Variants in ZFPM1 observed in about 807,000 individuals in gnomAD.
The protein encoded by ZFPM1 is zinc finger protein ZFPM1.
In ZFPM1, 28 loss-of-function variants were observed where a neutral mutation model predicts 46.3. The observed-to-expected ratio is 0.60, with a 90% CI of 0.45 to 0.83. The LOEUF is 0.83. Among genes scored for constraint, ZFPM1 ranks in the 40% least tolerant of loss-of-function variants. The probability of loss-of-function intolerance (pLI) is 0.00; values close to 1 mark genes in which losing one functional copy is unlikely to be tolerated. For missense variants in ZFPM1, 1,878 were observed against 1,432.4 expected, an observed-to-expected ratio of 1.31 and a Z score of -5.02; for synonymous variants, 957 against 675.9, an observed-to-expected ratio of 1.42 and a Z score of -6.45.
Position 88,455,822 on chromosome 16 carries a change from G to T in ZFPM1, c.40+2144G>T, listed in dbSNP as rs927614744. On this transcript the variant is annotated intron_variant, in intron 1 of 9. Transcript: ENST00000319555. ...GCGGGAGCGCGGCCTTGGCCGGCCAGATGGCGGAGGCGATAGGCCGGGCTG... is the reference window on the plus strand; with the variant it reads ...GCGGGAGCGCGGCCTTGGCCGGCCATATGGCGGAGGCGATAGGCCGGGCTG... Among the ~76,000 whole-genome samples the T allele has an allele frequency of 3.3e-5, 5 of 152,156 alleles. No homozygotes were observed. In the South Asian group the frequency reaches 8.3e-4, roughly 25 times the overall value.
At position 88,482,409 on chromosome 16, in the gene ZFPM1, A is replaced by G. The variant is rs114101841; in HGVS notation, c.41-3530A>G. 5.3e-3 allele frequency among the ~76,000 whole-genome samples: 800 copies of G among 152,248 alleles called. 5 individuals are homozygous for G. The highest frequency in any genetic ancestry group is 0.018 in the African/African-American group (757 of 41,532). On this transcript the variant is annotated intron_variant, in intron 1 of 9. Coordinates refer to ENST00000319555, the MANE Select transcript of ZFPM1 (RefSeq NM_153813.3). ...TGGGCTGACAGTTGTCTCCTGCATT[A>G]TCAGAGCCGTTTTAATTGTGCTGGA...
chr16:88,460,351 G>A (rs972305709), intron 1 of ZFPM1, among the ~76,000 whole-genome samples: 15 of 152,180 alleles, frequency 9.9e-5, no homozygotes, highest in African/African-American at 3.6e-4. Context: ...TTCACAGGAA[G>A]GCACACTGGC....
intron 1 of ZFPM1, among the ~76,000 whole-genome samples, chr16:88,467,636 G>A (rs1420984784): frequency 6.6e-6 from 1 of 152,168 alleles, no homozygotes; most frequent in East Asian, 1.9e-4. Context: ...GGGCCTCGCA[G>A]CTGCCTTGGA....
chr16:88,519,935 GTGGA>G (rs368348204), intron 4 of ZFPM1, among the ~76,000 whole-genome samples: 1 of 149,542 alleles, frequency 6.7e-6, no homozygotes, highest in African/African-American at 2.5e-5. Flanking sequence ...AGATGGATGA[GTGGA>G]TGGATGGATG....
intron 3 of ZFPM1, among the ~76,000 whole-genome samples, chr16:88,506,287 G>A (rs1351581518): frequency 6.7e-6 from 1 of 149,118 alleles, no homozygotes; most frequent in Non-Finnish European, 1.5e-5. Flanking sequence ...CAGGGCAGGG[G>A]TGGGGGGGCA....
At position 88,485,992 on chromosome 16, in the gene ZFPM1, C is replaced by T. The variant is rs1171978327; in HGVS notation, c.94C>T (p.His32Tyr). The change falls in exon 2 of 10, where the codon CAC (histidine) becomes TAC (tyrosine). Residue 32 changes from histidine (H) to tyrosine (Y), a missense_variant. By Grantham distance (83) the His-to-Tyr change is moderately conservative. Transcript: ENST00000319555. ...REEVQLVGAS[H>Y]MEQKATAPEA... Reference sequence around the variant, plus strand: ...GGAGGTGCAGTTGGTGGGTGCCAGCCACATGGAGCAAAAGGCCACGGCACC... The same window carrying T: ...GGAGGTGCAGTTGGTGGGTGCCAGCTACATGGAGCAAAAGGCCACGGCACC... 1 of 1,612,930 alleles carries T rather than the reference C, an allele frequency of 6.2e-7. No homozygotes were observed. Among genetic ancestry groups the T allele is most frequent in the Non-Finnish European group, 8.5e-7 (1 of 1,179,948 alleles).
chr16:88,528,976 G>A (rs1912565095), intron 6 of ZFPM1, among the ~76,000 whole-genome samples: 1 of 152,172 alleles, frequency 6.6e-6, no homozygotes, highest in Admixed American at 6.5e-5. Flanking sequence ...GGTGGCTGCG[G>A]GAATCATGAG....
At chr16:88,478,093 T>C (rs1240521739) in intron 1 of ZFPM1, among the ~76,000 whole-genome samples, 4 of 151,766 alleles carry the variant, frequency 2.6e-5, no homozygotes, top group Non-Finnish European at 5.9e-5. Context: ...TCAACCGCCA[T>C]GTCTCCCCTG....
At chr16:88,489,223 G>A (rs1909418082) in intron 3 of ZFPM1, 70 bp downstream of exon 3, 4 of 1,513,132 alleles carry the variant, frequency 2.6e-6, no homozygotes, top group Non-Finnish European at 8.8e-7. Context: ...TGGGAGCAGG[G>A]CGACGTGGGT....
At chr16:88,501,130 CG>C (rs752149490) in intron 3 of ZFPM1, among the ~76,000 whole-genome samples, 2,151 of 123,000 alleles carry the variant, frequency 0.017, 20 homozygotes, top group African/African-American at 0.042. Context: ...GACATGGATG[CG>C]GGGGCCATCC....
chr16:88,488,571 C>T (rs1035942665), intron 2 of ZFPM1, among the ~76,000 whole-genome samples: 5 of 150,802 alleles, frequency 3.3e-5, no homozygotes, highest in African/African-American at 4.9e-5. Context: ...AGACACGTGA[C>T]GTCATGGGGT....
In ZFPM1 at chr16:88,471,294, C is replaced by T. The variant is rs996208049; in HGVS notation, c.41-14645C>T. ...TGACCTCCACCCTCGCGAAGGCCAG[C>T]GGCCGCAGGGTCTGGCTTGGGCTAT... On this transcript the variant is annotated intron_variant, in intron 1 of 9. Coordinates refer to ENST00000319555, the MANE Select transcript of ZFPM1 (RefSeq NM_153813.3). This position sits in a 1 kb window ranked among gnomAD's most constrained non-coding sequence, Gnocchi z 4.1. 3.3e-5 allele frequency among the ~76,000 whole-genome samples: 5 copies of T among 152,266 alleles called. No homozygotes were observed. The highest frequency in any genetic ancestry group is 9.6e-5 in the African/African-American group (4 of 41,472).
At chr16:88,524,910 G>A (rs1368464210) in intron 4 of ZFPM1, among the ~76,000 whole-genome samples, 4 of 152,168 alleles carry the variant, frequency 2.6e-5, no homozygotes, top group Non-Finnish European at 5.9e-5. Flanking sequence ...TTCACACTGG[G>A]ACTGCAGGGT....
intron 3 of ZFPM1, among the ~76,000 whole-genome samples, chr16:88,492,696 G>A (rs1002924560): frequency 6.6e-5 from 10 of 152,202 alleles, no homozygotes; most frequent in South Asian, 2.1e-4. Flanking sequence ...GTGTTAGCCC[G>A]GCGGAGAGGC....
At chr16:88,482,820 G>C (rs921006731) in intron 1 of ZFPM1, among the ~76,000 whole-genome samples, 1 of 152,198 alleles carries the variant, frequency 6.6e-6, no homozygotes, top group Admixed American at 6.5e-5. Context: ...CTCTAGAAGG[G>C]GGAGGAGCCG....
At chr16:88,493,160 A>AGAGCTGTCCCGGGGTGG (rs1909696678) in intron 3 of ZFPM1, among the ~76,000 whole-genome samples, 1 of 27,456 alleles carries the variant, frequency 3.6e-5, no homozygotes, top group Admixed American at 4.1e-4. Context: ...TCCCGGGGTG[A>AGAGCTGTCCCGGGGTGG]GGAGAGCTGT....
Position 88,534,394 on chromosome 16 carries a change from G to T in ZFPM1, c.2436G>T (p.Ala812=), listed in dbSNP as rs756002454. 1 of 1,472,858 alleles carries T rather than the reference G, an allele frequency of 6.8e-7. No individual in the cohort carries two copies. The highest frequency in any genetic ancestry group is 1.3e-5 in the South Asian group (1 of 79,598). The allele number at this position is 1,472,858 out of a possible 1,614,324, so 91.2% of individuals were successfully genotyped here. A position where few individuals can be genotyped will look rare whatever the true frequency, so the allele number is the denominator to read the frequency against. ...CGCTCCCCGGAGCCCCGGCACCGGCGCTGGCCGACTACCACGAGTGCACGG... is the reference window on the plus strand; with the variant it reads ...CGCTCCCCGGAGCCCCGGCACCGGCTCTGGCCGACTACCACGAGTGCACGG... ...RRPLPGAPAP[A]LADYHECTAC... The change falls in exon 10 of 10, where the codon GCG becomes GCT. Residue 812 remains alanine, a synonymous_variant. Transcript: ENST00000319555.
At chr16:88,461,208 C>CGGGAGACCTGGTGAGGACCG (rs1907861806) in intron 1 of ZFPM1, among the ~76,000 whole-genome samples, 1 of 22,640 alleles carries the variant, frequency 4.4e-5, no homozygotes, top group African/African-American at 2.2e-4. Flanking sequence ...GGTGAGGACC[C>CGGGAGACCTGGTGAGGACCG]AGGGGCGGGA....
rs945814493 is a variant in ZFPM1 at position 88,497,265 on chromosome 16, C to T, written c.268+8112C>T. ...AGGGGCGGCAGGTGGACGGCCCCAG[C>T]CCCAGCCCCAGCCCCAGCCCCATTC... is the stretch of plus-strand genomic sequence containing the variant. On this transcript the variant is annotated intron_variant, in intron 3 of 9. Transcript: ENST00000319555. This position sits in a 1 kb window ranked among gnomAD's most constrained non-coding sequence, Gnocchi z 5.4. Among the ~76,000 whole-genome samples, 8 of 152,086 alleles carry T rather than the reference C, an allele frequency of 5.3e-5. No individual in the cohort carries two copies. Among genetic ancestry groups the T allele is most frequent in the African/African-American group, 1.7e-4 (7 of 41,408 alleles).
Sources: gnomAD v4.1 joint callset for allele counts (sites outside exome capture counted in the v4.1 genomes callset) on GRCh38, gnomAD v4.1.1 for gene constraint, Gnocchi (gnomAD v3.1) non-coding constraint, MANE v1.5 for transcripts, NCBI Gene and HGNC (gene_info 2026-07-23, HGNC 2026-07-21) for gene names.